The following MAP3K5 variants were observed in gnomAD, a reference collection of about 807,000 sequenced individuals.
MAP3K5 encodes the protein mitogen-activated protein kinase kinase kinase 5, also known as ASK-1.
In MAP3K5, 56 loss-of-function variants were observed where a neutral mutation model predicts 158.7. The ratio of observed to expected loss-of-function variants is 0.35; its 90% CI spans 0.28 to 0.44. MAP3K5 has a LOEUF of 0.44. Ranked by LOEUF, MAP3K5 falls within the 20% of genes least tolerant of loss-of-function variation. The probability of loss-of-function intolerance (pLI) is 1.00; values close to 1 mark genes in which losing one functional copy is unlikely to be tolerated. For missense variants in MAP3K5, 1,294 were observed against 1,674.8 expected, an observed-to-expected ratio of 0.77 and a Z score of 3.97; for synonymous variants, 579 against 601.7, an observed-to-expected ratio of 0.96 and a Z score of 0.55.
chr6:136,566,160 C>T (rs552164335), intron 26 of MAP3K5, among the ~76,000 whole-genome samples: 59 of 152,194 alleles, frequency 3.9e-4, no homozygotes, highest in Non-Finnish European at 6.9e-4. Flanking sequence ...GCGAGCACAA[C>T]GCTAACCAAA....
At chr6:136,620,826 G>T (rs1203342905) in intron 15 of MAP3K5, among the ~76,000 whole-genome samples, 1 of 152,188 alleles carries the variant, frequency 6.6e-6, no homozygotes, top group Non-Finnish European at 1.5e-5. Context: ...GAAATCATGA[G>T]GTTGAGAGAA....
chr6:136,723,668 C>T (rs907012333), intron 1 of MAP3K5, among the ~76,000 whole-genome samples: 1 of 152,164 alleles, frequency 6.6e-6, no homozygotes, highest in Admixed American at 6.5e-5. Flanking sequence ...AAAAATACTG[C>T]AGATGCTTGA....
At chr6:136,578,910 C>T (rs1485306775) in intron 25 of MAP3K5, among the ~76,000 whole-genome samples, 6 of 151,714 alleles carry the variant, frequency 4.0e-5, no homozygotes, top group African/African-American at 1.5e-4. Flanking sequence ...GCAGCTCACG[C>T]CTGTAATCAC....
chr6:136,601,085 G>C, intron 20 of MAP3K5, 43 bp from the exon 21 acceptor site: 1 of 1,608,144 alleles, frequency 6.2e-7, no homozygotes, highest in Non-Finnish European at 8.5e-7. Context: ...GCACGTGCTG[G>C]GTTTGTTGTT....
chr6:136,661,349 T>C (rs904082651), intron 8 of MAP3K5, among the ~76,000 whole-genome samples: 4 of 152,156 alleles, frequency 2.6e-5, no homozygotes, highest in Non-Finnish European at 5.9e-5. Flanking sequence ...AAAAAAAATA[T>C]TACACACGCA....
chr6:136,654,604 G>A (rs992434257), intron 10 of MAP3K5, among the ~76,000 whole-genome samples: 8 of 152,052 alleles, frequency 5.3e-5, no homozygotes, highest in Non-Finnish European at 1.2e-4. Flanking sequence ...GCACCACCAT[G>A]CCTGGCTAAT....
At chr6:136,574,952 G>T (rs966678159) in intron 25 of MAP3K5, among the ~76,000 whole-genome samples, 1 of 151,838 alleles carries the variant, frequency 6.6e-6, no homozygotes, top group Admixed American at 6.6e-5. Context: ...GCCTCCCAAA[G>T]TGCTGGGATT....
At chr6:136,571,683 T>C (rs1462402606) in intron 25 of MAP3K5, among the ~76,000 whole-genome samples, 1 of 152,248 alleles carries the variant, frequency 6.6e-6, no homozygotes, top group African/African-American at 2.4e-5. Flanking sequence ...TTCCACCTCT[T>C]GGCAATTGTA....
In MAP3K5 at chr6:136,558,824, T is replaced by C. The variant is rs768908703; in HGVS notation, c.4040A>G (p.Asp1347Gly). ...CCTTAGTCTCAAGCATTTTAAGTCA[T>C]CACGTGTAACATAGTAGAGAACATC... ...LLDVLYYVTR[D>G]DLKCLRLRGG... The change falls in exon 29 of 30, where the codon GAT (aspartate) becomes GGT (glycine). Residue 1347 changes from aspartate to glycine, a missense_variant. By Grantham distance (94) the Asp-to-Gly change is moderately conservative. Around this residue, in one of 5 missense-constraint regions of MAP3K5, gnomAD observed 199 missense variants for 220.3 expected, o/e 0.90. Transcript: ENST00000359015. The C allele has an allele frequency of 6.2e-7, 1 of 1,605,206 alleles. No homozygotes were observed. Among genetic ancestry groups the C allele is most frequent in the South Asian group, 1.1e-5 (1 of 90,662 alleles).
At chr6:136,583,995 T>A (rs1052079085) in intron 23 of MAP3K5, among the ~76,000 whole-genome samples, 3 of 152,166 alleles carry the variant, frequency 2.0e-5, no homozygotes, top group African/African-American at 7.2e-5. Flanking sequence ...GACTTCCAAA[T>A]GTCTCCAAAG....
intron 10 of MAP3K5, among the ~76,000 whole-genome samples, chr6:136,655,384 AC>A (rs1778697562): frequency 6.6e-6 from 1 of 152,204 alleles, no homozygotes; most frequent in African/African-American, 2.4e-5. Flanking sequence ...TCGCTTAAGG[AC>A]CCTGCTGAGC....
chr6:136,621,559 G>A (rs1483993041), intron 15 of MAP3K5, among the ~76,000 whole-genome samples: 2 of 152,194 alleles, frequency 1.3e-5, no homozygotes, highest in Non-Finnish European at 2.9e-5. Context: ...GAAGCAGTCA[G>A]GGAGGGGAAG....
chr6:136,747,087 A>G (rs1782995288), intron 1 of MAP3K5, among the ~76,000 whole-genome samples: 1 of 152,066 alleles, frequency 6.6e-6, no homozygotes, highest in Non-Finnish European at 1.5e-5. Context: ...ATGTCTAGCT[A>G]ATTTTTAAAT....
intron 25 of MAP3K5, among the ~76,000 whole-genome samples, chr6:136,571,031 A>G (rs1440734677): frequency 6.6e-6 from 1 of 152,048 alleles, no homozygotes; most frequent in Non-Finnish European, 1.5e-5. Flanking sequence ...ATCTATCCCC[A>G]TTTTACCCAC....
intron 1 of MAP3K5, among the ~76,000 whole-genome samples, chr6:136,746,030 T>C (rs761143460): frequency 5.3e-5 from 8 of 152,164 alleles, no homozygotes; most frequent in Non-Finnish European, 8.8e-5. Flanking sequence ...GAAGACTAGT[T>C]AGGAGACAGC....
At position 136,558,874 on chromosome 6, in the gene MAP3K5, A is replaced by G; in HGVS notation, c.3990T>C (p.Phe1330=). ...NGADEDTISR[F]LAEDYTLLDV... ...CCAATAGTGTATAATCTTCAGCCAAAAACTGTAGAGAAAGTAGAATATGCA... is the reference window on the plus strand; with the variant it reads ...CCAATAGTGTATAATCTTCAGCCAAGAACTGTAGAGAAAGTAGAATATGCA... The change falls in exon 29 of 30, where the codon TTT becomes TTC. Residue 1330 remains phenylalanine (F), a splice_region_variant and synonymous_variant. Coordinates refer to ENST00000359015, the MANE Select transcript of MAP3K5 (RefSeq NM_005923.4). 6.4e-7 allele frequency: 1 copy of G among 1,558,982 alleles called. No homozygotes were observed. Among genetic ancestry groups the G allele is most frequent in the Non-Finnish European group, 8.8e-7 (1 of 1,131,952 alleles).
chr6:136,642,440 A>G, intron 12 of MAP3K5, 80 bp downstream of exon 12: 1 of 978,802 alleles, frequency 1.0e-6, no homozygotes. Context: ...TTTTAAAATC[A>G]TGATTAGAAG....
rs186638039 is a variant in MAP3K5, at chr6:136,681,692, A to G, written c.1254-12297T>C. Among the ~76,000 whole-genome samples, 65 of 152,274 alleles carry G rather than the reference A, an allele frequency of 4.3e-4. 1 individual carries two copies. Among genetic ancestry groups the G allele is most frequent in the Non-Finnish European group, 4.9e-4 (33 of 68,008 alleles). On this transcript the variant is annotated intron_variant, in intron 7 of 29. Transcript: ENST00000359015. The stretch of plus-strand genomic sequence containing the variant: ...AGCACTTTGGGAGGCCAAGGTGGGC[A>G]GATCACGAGGTCAGGAGATCGAGGC...
chr6:136,599,447 A>T (rs1216485281), intron 21 of MAP3K5, among the ~76,000 whole-genome samples: 2 of 151,986 alleles, frequency 1.3e-5, no homozygotes, highest in Non-Finnish European at 2.9e-5. Context: ...ATAGTCACTG[A>T]GAAGACATAG....
Sources: gnomAD v4.1 joint callset for allele counts (sites outside exome capture counted in the v4.1 genomes callset) on GRCh38, gnomAD v4.1.1 for gene constraint, gnomAD v4.1.1 regional missense constraint, MANE v1.5 for transcripts, NCBI Gene and HGNC (gene_info 2026-07-23, HGNC 2026-07-21) for gene names.